PPARGC1A: variants seen among roughly 807,000 people sequenced by gnomAD.
The protein encoded by PPARGC1A is PPARG coactivator 1 alpha.
Under a neutral mutation model 88.7 loss-of-function variants are expected in PPARGC1A, and 25 were observed. The observed-to-expected ratio is 0.28, with a 90% CI of 0.21 to 0.39. The LOEUF is 0.39. PPARGC1A is among the 10% of genes least tolerant of loss of function. PPARGC1A has a pLI of 1.00. For synonymous variants in PPARGC1A, 363 were observed against 355.6 expected (o/e 1.02, Z -0.24); for missense variants, 880 against 968.7 (o/e 0.91, Z 1.22).
chr4:23,807,118 C>A (rs1006473137), intron 10 of PPARGC1A, among the ~76,000 whole-genome samples: 1 of 152,024 alleles, frequency 6.6e-6, no homozygotes, highest in Admixed American at 6.6e-5. Context: ...TTAGCTGTAA[C>A]CTGACTGCCT....
At chr4:23,828,694 A>G in intron 4 of PPARGC1A, 90 bp from the exon 5 acceptor site, 5 of 1,209,196 alleles carry the variant, frequency 4.1e-6, no homozygotes, top group Admixed American at 1.9e-5. Flanking sequence ...GGATTTTTCA[A>G]TGAAGTGTTC....
the PPARGC1A span, among the ~76,000 whole-genome samples, chr4:24,115,129 C>A: frequency 2.0e-5 from 3 of 152,140 alleles, no homozygotes; most frequent in Non-Finnish European, 4.4e-5. Flanking sequence ...TTGTCTTGCC[C>A]ATGTAATATA....
chr4:24,002,097 CAG>C, the PPARGC1A span, among the ~76,000 whole-genome samples: 868 of 125,168 alleles, frequency 6.9e-3, 22 homozygotes, highest in East Asian at 0.085. Flanking sequence ...CACACACACA[CAG>C]AGAGAGAGAG....
chr4:24,123,910 C>CAAAAAAA, the PPARGC1A span, among the ~76,000 whole-genome samples: 167 of 123,392 alleles, frequency 1.4e-3, 2 homozygotes, highest in Non-Finnish European at 2.3e-3. Flanking sequence ...TCTAAGTTGG[C>CAAAAAAA]AAAAAAAAAA....
the PPARGC1A span, among the ~76,000 whole-genome samples, chr4:23,956,118 C>T: frequency 0.97 from 147,017 of 152,198 alleles, 71,206 homozygotes; most frequent in South Asian, 1. Context: ...TCTTCAACTA[C>T]TTAAAAATAT....
chr4:24,317,791 G>C, the PPARGC1A span, among the ~76,000 whole-genome samples: 1 of 152,014 alleles, frequency 6.6e-6, no homozygotes, highest in East Asian at 1.9e-4. Context: ...TCCACAGCAA[G>C]GCATTTCAAA....
At chr4:23,962,751 G>C in the PPARGC1A span, among the ~76,000 whole-genome samples, 1 of 152,232 alleles carries the variant, frequency 6.6e-6, no homozygotes, top group South Asian at 2.1e-4. Context: ...TAGGGAAGGT[G>C]ATAAATGCAA....
the PPARGC1A span, among the ~76,000 whole-genome samples, chr4:24,235,367 T>C: frequency 6.6e-6 from 1 of 152,202 alleles, no homozygotes; most frequent in African/African-American, 2.4e-5. Context: ...GCAGACATGG[T>C]CTTTCAAATC....
At chr4:23,943,678 G>T in the PPARGC1A span, among the ~76,000 whole-genome samples, 1 of 152,136 alleles carries the variant, frequency 6.6e-6, no homozygotes, top group South Asian at 2.1e-4. Context: ...ATTTCTAAAA[G>T]TACCTTATGA....
At chr4:23,973,857 C>T in the PPARGC1A span, among the ~76,000 whole-genome samples, 185 of 151,894 alleles carry the variant, frequency 1.2e-3, 1 homozygote, top group African/African-American at 4.3e-3. Flanking sequence ...GGGTTGGTAA[C>T]CTTTAAGGTA....
At chr4:24,139,180 C>A in the PPARGC1A span, among the ~76,000 whole-genome samples, 1 of 151,762 alleles carries the variant, frequency 6.6e-6, no homozygotes, top group Non-Finnish European at 1.5e-5. Flanking sequence ...GTCACCCAGG[C>A]TGGAGTGCAG....
chr4:24,449,314 C>A, the PPARGC1A span, among the ~76,000 whole-genome samples: 6 of 152,214 alleles, frequency 3.9e-5, no homozygotes, highest in South Asian at 2.1e-4. Context: ...CTGATGCAAA[C>A]CCTGCTGCCT....
chr4:23,844,675 AAT>A (rs1321106670), intron 2 of PPARGC1A, among the ~76,000 whole-genome samples: 1 of 103,466 alleles, frequency 9.7e-6, no homozygotes, highest in Admixed American at 1.5e-4. Context: ...ATATTATAAT[AAT>A]ATATATCATA....
chr4:24,108,628 T>G, the PPARGC1A span, among the ~76,000 whole-genome samples: 2 of 152,112 alleles, frequency 1.3e-5, no homozygotes, highest in African/African-American at 4.8e-5. Flanking sequence ...TTATCCTCAT[T>G]CTGCAGATGA....
chr4:23,890,257 A>G (rs551123308), upstream of PPARGC1A: 207 of 400,050 alleles, frequency 5.2e-4, no homozygotes, highest in Non-Finnish European at 7.3e-4. Flanking sequence ...AGAAAGAAAG[A>G]AAGGAAACAC....
the PPARGC1A span, among the ~76,000 whole-genome samples, chr4:23,959,091 C>T: frequency 6.6e-6 from 1 of 151,692 alleles, no homozygotes. Flanking sequence ...CAGTTCTGTT[C>T]CAAACAGGTT....
the PPARGC1A span, among the ~76,000 whole-genome samples, chr4:24,136,212 T>C: frequency 6.6e-6 from 1 of 152,186 alleles, no homozygotes; most frequent in African/African-American, 2.4e-5. Flanking sequence ...ATGAAGGGTA[T>C]AGTCAACTGG....
the PPARGC1A span, among the ~76,000 whole-genome samples, chr4:24,044,405 T>C: frequency 6.6e-6 from 1 of 152,120 alleles, no homozygotes; most frequent in Non-Finnish European, 1.5e-5. Flanking sequence ...ACAGCAAAAG[T>C]ATTAGGAAAT....
chr4:24,307,500 G>A, the PPARGC1A span, among the ~76,000 whole-genome samples: 1 of 152,150 alleles, frequency 6.6e-6, no homozygotes, highest in Non-Finnish European at 1.5e-5. Context: ...AGCACTCTTG[G>A]GAATTTGAGG....
Sources: gnomAD v4.1 joint callset for allele counts (sites outside exome capture counted in the v4.1 genomes callset) on GRCh38, gnomAD v4.1.1 for gene constraint, MANE v1.5 for transcripts, NCBI Gene and HGNC (gene_info 2026-07-23, HGNC 2026-07-21) for gene names.